CCDC18: variants seen among roughly 807,000 people sequenced by gnomAD.
The protein encoded by CCDC18 is coiled-coil domain-containing protein 18.
A neutral mutation model predicts 196.0 loss-of-function variants in CCDC18; 157 were observed. That is an observed-to-expected ratio of 0.80 (90% CI 0.70 to 0.91). CCDC18 has a LOEUF of 0.91. Ranked by LOEUF, CCDC18 falls within the 40% of genes least tolerant of loss-of-function variation. CCDC18 has a pLI of 0.00. For missense variants in CCDC18, 1,465 were observed against 1,611.6 expected (o/e 0.91, Z 1.56); for synonymous variants, 482 against 529.2 (o/e 0.91, Z 1.22).
intron 10 of CCDC18, among the ~76,000 whole-genome samples, 184 bp from the exon 11 acceptor site, chr1:93,211,917 T>A (rs1033551384): frequency 2.6e-5 from 4 of 152,176 alleles, no homozygotes; most frequent in Non-Finnish European, 5.9e-5. Context: ...ATCAAGTTTG[T>A]AAAGTGGCTG....
chr1:93,244,112 C>T (rs941072832), intron 21 of CCDC18, among the ~76,000 whole-genome samples: 10 of 152,204 alleles, frequency 6.6e-5, no homozygotes, highest in African/African-American at 1.9e-4. Context: ...CACAGTTCCA[C>T]GTGGCTGGGG....
rs371666562 is a variant in CCDC18, at chr1:93,181,582, A to G, written c.-3+730A>G. 4.2e-4 allele frequency among the ~76,000 whole-genome samples: 64 copies of G among 152,294 alleles called. 1 individual carries two copies. The East Asian group carries it at 9.8e-3, about 23-fold the overall frequency. On this transcript the variant is annotated intron_variant, in intron 1 of 28. Coordinates refer to ENST00000690025, the MANE Select transcript of CCDC18 (RefSeq NM_001378204.1). The stretch of plus-strand genomic sequence containing the variant: ...GGAAAATGAAAACATTTTAGTATCA[A>G]ATATATTCATTGCTACTGCAGAAGA...
chr1:93,235,936 AAGG>A (rs1174902227), intron 18 of CCDC18, among the ~76,000 whole-genome samples: 1 of 152,178 alleles, frequency 6.6e-6, no homozygotes, highest in African/African-American at 2.4e-5. Flanking sequence ...GAAGAAAAGA[AAGG>A]AGCAGTATGG....
chr1:93,245,604 G>A (rs999802402), intron 21 of CCDC18, among the ~76,000 whole-genome samples: 4 of 151,936 alleles, frequency 2.6e-5, no homozygotes, highest in Admixed American at 2.6e-4. Context: ...GGTTTAAGAG[G>A]GCTTAGAATT....
intron 24 of CCDC18, 115 bp from the exon 25 acceptor site, chr1:93,256,220 T>C: frequency 1.3e-6 from 1 of 799,200 alleles, no homozygotes; most frequent in South Asian, 1.8e-5. Context: ...ATACTCATTG[T>C]ATGTTAAAGG....
At chr1:93,190,971 C>A in intron 4 of CCDC18, 1 of 975,940 alleles carries the variant, frequency 1.0e-6, no homozygotes, top group Admixed American at 1.7e-5. Context: ...ACAGAGAATC[C>A]TTGCCCTTCT....
Position 93,273,788 on chromosome 1 carries a change from A to G in CCDC18, c.4353+2974A>G, listed in dbSNP as rs1439508253. ...GGTAAAAATCGCACCTAATTTATGC[A>G]GGATAAATTTGATAAGTACAGTGAC... On this transcript the variant is annotated intron_variant, in intron 28 of 28. Transcript: ENST00000690025. Among the ~76,000 whole-genome samples, 3 of 152,230 alleles carry G rather than the reference A, an allele frequency of 2.0e-5. No homozygotes were observed. In the East Asian group the frequency reaches 5.8e-4, roughly 29 times the overall value.
intron 28 of CCDC18, among the ~76,000 whole-genome samples, chr1:93,274,789 G>C (rs1271676715): frequency 6.6e-6 from 1 of 152,148 alleles, no homozygotes; most frequent in Non-Finnish European, 1.5e-5. Flanking sequence ...AGGCTGCAGT[G>C]AGCTATTATC....
chr1:93,260,795 T>C (rs1663683147), intron 26 of CCDC18, among the ~76,000 whole-genome samples: 1 of 152,078 alleles, frequency 6.6e-6, no homozygotes, highest in South Asian at 2.1e-4. Context: ...CAGGCCCCGA[T>C]GTGTGATGTT....
chr1:93,264,616 A>C, intron 26 of CCDC18, 85 bp from the exon 27 acceptor site: 1 of 748,240 alleles, frequency 1.3e-6, no homozygotes, highest in Non-Finnish European at 2.2e-6. Flanking sequence ...AAAGTAAATA[A>C]AAGTAGAAAG....
At chr1:93,233,969 T>C (rs1659637022) in intron 18 of CCDC18, among the ~76,000 whole-genome samples, 1 of 152,086 alleles carries the variant, frequency 6.6e-6, no homozygotes, top group Non-Finnish European at 1.5e-5. Flanking sequence ...TACTGCTTGC[T>C]ATGCCTACTA....
Position 93,214,816 on chromosome 1 carries a change from T to C in CCDC18, c.1569T>C (p.Thr523=). 6.2e-7 allele frequency: 1 copy of C among 1,613,534 alleles called. No individual in the cohort carries two copies. Among genetic ancestry groups the C allele is most frequent in the Non-Finnish European group, 8.5e-7 (1 of 1,179,718 alleles). Residue 523 remains threonine (T), a synonymous_variant, in exon 12 of 29, where the codon ACT becomes ACC. Transcript: ENST00000690025. ...QYEKERQRLV[T]GIEELRTKLI... ...AAAAAGAGAGGCAAAGACTTGTTACTGGAATAGAAGAACTACGTACTAAGC... is the reference window on the plus strand; with the variant it reads ...AAAAAGAGAGGCAAAGACTTGTTACCGGAATAGAAGAACTACGTACTAAGC...
intron 19 of CCDC18, among the ~76,000 whole-genome samples, chr1:93,238,774 A>G (rs944715213): frequency 3.9e-5 from 6 of 152,198 alleles, no homozygotes; most frequent in Non-Finnish European, 7.4e-5. Flanking sequence ...AGCTAGTTGT[A>G]TTATCTCAGA....
In CCDC18 at chr1:93,257,003, G is replaced by A. The variant is rs754344716; in HGVS notation, c.3546+465G>A. On this transcript the variant is annotated intron_variant, in intron 25 of 28. Coordinates refer to ENST00000690025, the MANE Select transcript of CCDC18 (RefSeq NM_001378204.1). ...AGTACTTTGGGAGGCCGAGGCAGGCGGATAAGTAAGTCAGGAGTTTGAGAC... is the reference window on the plus strand; with the variant it reads ...AGTACTTTGGGAGGCCGAGGCAGGCAGATAAGTAAGTCAGGAGTTTGAGAC... 4.6e-5 allele frequency among the ~76,000 whole-genome samples: 7 copies of A among 151,816 alleles called. No homozygotes were observed. In the South Asian group the frequency reaches 1.0e-3, roughly 23 times the overall value.
chr1:93,214,430 T>G (rs1656160358), intron 11 of CCDC18, among the ~76,000 whole-genome samples: 1 of 152,164 alleles, frequency 6.6e-6, no homozygotes, highest in Non-Finnish European at 1.5e-5. Flanking sequence ...AAAAAAAATT[T>G]TTACAATGAT....
intron 6 of CCDC18, among the ~76,000 whole-genome samples, chr1:93,201,195 A>T (rs1005658202): frequency 6.6e-6 from 1 of 152,204 alleles, no homozygotes; most frequent in Admixed American, 6.5e-5. Context: ...TTCACCCTGG[A>T]TAAGAGGAGG....
intron 1 of CCDC18, 101 bp from the exon 2 acceptor site, chr1:93,183,259 A>G (rs2815409): frequency 0.84 from 677,407 of 809,328 alleles, 284,771 homozygotes; most frequent in East Asian, 1. Flanking sequence ...CACAACATTT[A>G]AAATAGAAAA....
intron 1 of CCDC18, among the ~76,000 whole-genome samples, chr1:93,182,776 C>G (rs1441855189): frequency 6.6e-6 from 1 of 151,980 alleles, no homozygotes; most frequent in African/African-American, 2.4e-5. Context: ...AACTATTGGG[C>G]GTAGGAGGAG....
intron 26 of CCDC18, among the ~76,000 whole-genome samples, chr1:93,260,110 G>A (rs377046967): frequency 1.2e-4 from 19 of 152,162 alleles, no homozygotes; most frequent in East Asian, 7.7e-4. Flanking sequence ...CCAGCCGGGC[G>A]CAGTGGCTCA....
Sources: gnomAD v4.1 joint callset for allele counts (sites outside exome capture counted in the v4.1 genomes callset) on GRCh38, gnomAD v4.1.1 for gene constraint, MANE v1.5 for transcripts, NCBI Gene and HGNC (gene_info 2026-07-23, HGNC 2026-07-21) for gene names.